Variants in SNRPA observed in about 807,000 individuals in gnomAD.
SNRPA encodes U1 small nuclear ribonucleoprotein A.
SNRPA carries 10 observed loss-of-function variants against 24.5 expected under a neutral mutation model. The ratio of observed to expected loss-of-function variants is 0.41; its 90% CI spans 0.25 to 0.69. SNRPA has a LOEUF of 0.69. Ranked by LOEUF, SNRPA falls within the 30% of genes least tolerant of loss-of-function variation. The pLI is 0.33. For missense variants in SNRPA, 283 were observed against 394.7 expected, an observed-to-expected ratio of 0.72 and a Z score of 2.40; for synonymous variants, 165 against 148.4, an observed-to-expected ratio of 1.11 and a Z score of -0.81.
chr19:40,753,380 ATATG>A (rs2082892548), intron 1 of SNRPA, among the ~76,000 whole-genome samples: 5 of 86,464 alleles, frequency 5.8e-5, no homozygotes, highest in African/African-American at 2.4e-4. Flanking sequence ...TAAATTTTGC[ATATG>A]TTTTTTTTTT....
chr19:40,762,760 G>C, intron 3 of SNRPA, 141 bp from the exon 4 acceptor site: 2 of 747,994 alleles, frequency 2.7e-6, no homozygotes, highest in South Asian at 1.8e-5. Flanking sequence ...GTTTTGCTCT[G>C]TCGGGCCCTC....
Position 40,759,576 on chromosome 19 carries a change from C to T in SNRPA, c.392C>T (p.Thr131Ile), listed in dbSNP as rs754474688. ...TKKAVQGGGA[T>I]PVVGAVQGPV... ...AAGGCTGTGCAAGGCGGGGGAGCCA[C>T]CCCCGTGGTGGGGGCTGTCCAGGGG... Residue 131 changes from threonine to isoleucine, a missense_variant, in exon 3 of 6, where the codon ACC (threonine) becomes ATC (isoleucine). Thr to Ile is a moderately conservative substitution (Grantham distance 89). This residue lies in a region of SNRPA where 167 missense variants were observed against 174.3 expected (regional missense o/e 0.96). Transcript: ENST00000243563. 4.3e-6 allele frequency: 7 copies of T among 1,613,194 alleles called. No individual in the cohort carries two copies. In the South Asian group the frequency reaches 5.5e-5, roughly 13 times the overall value.
At position 40,757,357 on chromosome 19, in the gene SNRPA, C is replaced by A. The variant is rs758798735; in HGVS notation, c.99C>A (p.Ile33=). Residue 33 remains isoleucine, a synonymous_variant, in exon 2 of 6, where the codon ATC becomes ATA. Coordinates refer to ENST00000243563, the MANE Select transcript of SNRPA (RefSeq NM_004596.5). ...AGCTAAAAAAGTCCCTGTACGCCAT[C>A]TTCTCCCAGTTTGGCCAGATCCTGG... ...KDELKKSLYA[I]FSQFGQILDI... is the part of the protein sequence containing the mutation. The A allele has an allele frequency of 2.5e-6, 4 of 1,614,076 alleles. No individual in the cohort carries two copies. The highest frequency in any genetic ancestry group is 3.4e-6 in the Non-Finnish European group (4 of 1,179,998).
intron 4 of SNRPA, 21 bp from the exon 5 acceptor site, chr19:40,763,566 G>A (rs769131702): frequency 1.8e-5 from 29 of 1,608,544 alleles, no homozygotes; most frequent in South Asian, 2.2e-5. Context: ...TGTGCTCACC[G>A]ACTCCCCTAT....
At chr19:40,764,697 G>C (rs1052875146) in intron 5 of SNRPA, among the ~76,000 whole-genome samples, 6 of 152,094 alleles carry the variant, frequency 3.9e-5, no homozygotes, top group Admixed American at 6.6e-5. Flanking sequence ...AAAAAGTGAG[G>C]GTATTGGTTA....
At chr19:40,764,552 T>C (rs1294488493) in intron 5 of SNRPA, among the ~76,000 whole-genome samples, 2 of 151,932 alleles carry the variant, frequency 1.3e-5, no homozygotes, top group East Asian at 3.9e-4. Context: ...TAAGGCCGGG[T>C]GCGGTGGCTC....
Position 40,751,213 on chromosome 19 carries a change from G to T in SNRPA, c.-196G>T. On this transcript the variant is annotated 5_prime_UTR_variant, in exon 1 of 6. Transcript: ENST00000243563. ...AATCTCTCGAGAGTTCTCTCCGCAC[G>T]CGGGCTGGAGAAGCGGGTCCTACGC... The T allele has an allele frequency of 3.3e-6, 2 of 603,624 alleles. No homozygotes were observed. Among genetic ancestry groups the T allele is most frequent in the South Asian group, 1.9e-5 (1 of 53,266 alleles). 37.4% of individuals were successfully genotyped at this position (603,624 alleles called of 1,614,324 possible).
intron 1 of SNRPA, among the ~76,000 whole-genome samples, chr19:40,755,799 TGTG>T (rs1273291733): frequency 6.6e-6 from 1 of 152,190 alleles, no homozygotes; most frequent in Non-Finnish European, 1.5e-5. Flanking sequence ...GCTGGTGAGA[TGTG>T]GTGGTACCGG....
At chr19:40,754,075 A>G (rs1296767101) in intron 1 of SNRPA, among the ~76,000 whole-genome samples, 1 of 147,460 alleles carries the variant, frequency 6.8e-6, no homozygotes, top group Non-Finnish European at 1.5e-5. Flanking sequence ...TGCTGGGATT[A>G]CAGGCGTCAG....
intron 3 of SNRPA, among the ~76,000 whole-genome samples, chr19:40,760,987 C>CA (rs1159646519): frequency 1.3e-5 from 2 of 151,670 alleles, no homozygotes. Flanking sequence ...GAGGGAGTCT[C>CA]AGTCAATCTG....
At chr19:40,757,114 C>G in intron 1 of SNRPA, 1 of 560,598 alleles carries the variant, frequency 1.8e-6, no homozygotes. Context: ...TGCACATGTT[C>G]ATTATATAGC....
At chr19:40,762,768 C>T (rs1463841021) in intron 3 of SNRPA, 133 bp from the exon 4 acceptor site, 3 of 845,002 alleles carry the variant, frequency 3.6e-6, no homozygotes, top group African/African-American at 3.4e-5. Flanking sequence ...CTGTCGGGCC[C>T]TCTTTGGGTG....
chr19:40,759,600 G>T lies in SNRPA; in HGVS notation c.416G>T (p.Gly139Val). Residue 139 changes from glycine (G) to valine (V), a missense_variant, in exon 3 of 6, where the codon GGG becomes GTG. Gly to Val is a moderately radical substitution (Grantham distance 109, BLOSUM62 -3). Around this residue, in one of 6 missense-constraint regions of SNRPA, gnomAD observed 167 missense variants for 174.3 expected, o/e 0.96. Transcript: ENST00000243563. Reference protein sequence around the residue: ...GATPVVGAVQGPVPGMPPMTQ... With the variant: ...GATPVVGAVQVPVPGMPPMTQ... ...ACCCCCGTGGTGGGGGCTGTCCAGG[G>T]GCCTGTCCCGGTAAGCCAGGTCCCG... The T allele has an allele frequency of 6.2e-7, 1 of 1,602,838 alleles. No homozygotes were observed. Among genetic ancestry groups the T allele is most frequent in the East Asian group, 2.2e-5 (1 of 44,634 alleles).
chr19:40,758,968 G>A (rs2082919635), intron 2 of SNRPA: 1 of 152,104 alleles, frequency 6.6e-6, no homozygotes, highest in Admixed American at 6.6e-5. Context: ...AGCACTTTCG[G>A]AGGCCGAGGT....
At chr19:40,757,286 T>G in intron 1 of SNRPA, 46 bp from the exon 2 acceptor site, 1 of 1,599,606 alleles carries the variant, frequency 6.3e-7, no homozygotes, top group Non-Finnish European at 8.6e-7. Context: ...GGGCTGCGCT[T>G]CTTCTAAAAA....
intron 3 of SNRPA, among the ~76,000 whole-genome samples, chr19:40,760,169 C>T (rs911396869): frequency 2.0e-5 from 3 of 152,074 alleles, no homozygotes; most frequent in Non-Finnish European, 2.9e-5. Flanking sequence ...ACTGTCAGTC[C>T]GTGCCACTCC....
chr19:40,763,004 C>G lies in SNRPA; in HGVS notation c.530C>G (p.Pro177Arg), dbSNP rs773032435. The G allele has an allele frequency of 6.2e-7, 1 of 1,611,564 alleles. No individual in the cohort carries two copies. Among genetic ancestry groups the G allele is most frequent in the Non-Finnish European group, 8.5e-7 (1 of 1,178,692 alleles). Reference protein sequence around the residue: ...PGMIPPPGLAPGQIPPGAMPP... With the variant: ...PGMIPPPGLARGQIPPGAMPP... Reference sequence around the variant, plus strand: ...ATGATCCCCCCGCCAGGCCTTGCACCTGGCCAGATCCCACCAGGGGCCATG... The same window carrying G: ...ATGATCCCCCCGCCAGGCCTTGCACGTGGCCAGATCCCACCAGGGGCCATG... Residue 177 changes from proline (P) to arginine (R), a missense_variant, in exon 4 of 6, where the codon CCT becomes CGT. By Grantham distance (103) the Pro-to-Arg change is moderately radical. Around this residue, in one of 6 missense-constraint regions of SNRPA, gnomAD observed 167 missense variants for 174.3 expected, o/e 0.96. Transcript: ENST00000243563.
rs375457307 is a variant in SNRPA, at chr19:40,757,360, C to T, written c.102C>T (p.Phe34=). 6.5e-5 allele frequency: 105 copies of T among 1,614,008 alleles called. No individual in the cohort carries two copies. The highest frequency in any genetic ancestry group is 8.7e-5 in the Non-Finnish European group (103 of 1,180,016). ...TAAAAAAGTCCCTGTACGCCATCTT[C>T]TCCCAGTTTGGCCAGATCCTGGATA... is the stretch of plus-strand genomic sequence containing the variant. ...DELKKSLYAI[F]SQFGQILDIL... The change falls in exon 2 of 6, where the codon TTC becomes TTT. Residue 34 remains phenylalanine (F), a synonymous_variant. Transcript: ENST00000243563.
At chr19:40,755,281 T>TTTTTTTTTTTTTTC (rs1491110055) in intron 1 of SNRPA, among the ~76,000 whole-genome samples, 1 of 130,904 alleles carries the variant, frequency 7.6e-6, no homozygotes, top group Non-Finnish European at 1.6e-5. Flanking sequence ...TTTTTTTTTT[T>TTTTTTTTTTTTTTC]GGCATTTTTA....
Sources: gnomAD v4.1 joint callset for allele counts (sites outside exome capture counted in the v4.1 genomes callset) on GRCh38, gnomAD v4.1.1 for gene constraint, gnomAD v4.1.1 regional missense constraint, MANE v1.5 for transcripts, NCBI Gene and HGNC (gene_info 2026-07-23, HGNC 2026-07-21) for gene names.